Variants in SPMIP2 observed in about 807,000 individuals in gnomAD.
SPMIP2 encodes the protein sperm microtubule inner protein 2, also known as protein SPMIP2.
chr4:158,986,759 A>G, the SPMIP2 span, among the ~76,000 whole-genome samples: 2 of 152,178 alleles, frequency 1.3e-5, no homozygotes. Flanking sequence ...AGCAATGGCA[A>G]CAGAAGCCAA....
chr4:159,014,333 G>A, the SPMIP2 span, among the ~76,000 whole-genome samples: 1 of 136,426 alleles, frequency 7.3e-6, no homozygotes, highest in Non-Finnish European at 1.7e-5. Flanking sequence ...GGCGCCTATA[G>A]TCTCAGCTAC....
chr4:158,999,224 T>A, the SPMIP2 span, among the ~76,000 whole-genome samples: 2 of 151,550 alleles, frequency 1.3e-5, no homozygotes, highest in Non-Finnish European at 2.9e-5. Context: ...TTAATAGTAG[T>A]TTTGCTTCAA....
the SPMIP2 span, among the ~76,000 whole-genome samples, chr4:159,008,718 T>C: frequency 6.6e-6 from 1 of 152,246 alleles, no homozygotes. Flanking sequence ...TTAATACACA[T>C]TTATAAAGTG....
the SPMIP2 span, among the ~76,000 whole-genome samples, chr4:159,011,609 C>A: frequency 2.6e-5 from 4 of 151,868 alleles, no homozygotes; most frequent in East Asian, 7.7e-4. Flanking sequence ...AAAATACATG[C>A]CGGGCATGGT....
chr4:159,014,291 A>G, the SPMIP2 span, among the ~76,000 whole-genome samples: 1 of 151,994 alleles, frequency 6.6e-6, no homozygotes, highest in Non-Finnish European at 1.5e-5. Flanking sequence ...CGTCTCTACT[A>G]AAAATACAAA....
chr4:158,911,634 A>C, the SPMIP2 span, among the ~76,000 whole-genome samples: 1 of 152,182 alleles, frequency 6.6e-6, no homozygotes. Context: ...CTTGCTACTC[A>C]AGGTCCTCAG....
At chr4:158,963,538 C>A in the SPMIP2 span, among the ~76,000 whole-genome samples, 1 of 152,202 alleles carries the variant, frequency 6.6e-6, no homozygotes, top group Non-Finnish European at 1.5e-5. Flanking sequence ...TCATCTGCCT[C>A]AGCCTCCCAA....
the SPMIP2 span, among the ~76,000 whole-genome samples, chr4:158,980,395 A>G: frequency 6.6e-6 from 1 of 152,204 alleles, no homozygotes; most frequent in African/African-American, 2.4e-5. Flanking sequence ...CCTGACCCCC[A>G]TGTCTCCTGA....
chr4:159,041,609 C>T, the SPMIP2 span, among the ~76,000 whole-genome samples: 1 of 152,142 alleles, frequency 6.6e-6, no homozygotes, highest in Non-Finnish European at 1.5e-5. Flanking sequence ...ATTCTCAGTT[C>T]GGAATGTTTT....
the SPMIP2 span, among the ~76,000 whole-genome samples, chr4:159,004,827 C>T: frequency 6.6e-6 from 1 of 152,002 alleles, no homozygotes; most frequent in Non-Finnish European, 1.5e-5. Context: ...AGTTATATGA[C>T]CTGGTATTAA....
the SPMIP2 span, among the ~76,000 whole-genome samples, chr4:159,050,976 G>A: frequency 6.6e-6 from 1 of 151,686 alleles, no homozygotes; most frequent in Non-Finnish European, 1.5e-5. Context: ...ACATGGTGGC[G>A]GGTGCCTGTA....
the SPMIP2 span, chr4:158,906,574 CTTAAT>C: frequency 3.9e-5 from 6 of 152,218 alleles, no homozygotes; most frequent in African/African-American, 9.6e-5. Flanking sequence ...TTAATTTGCT[CTTAAT>C]TTAATGTTCC....
chr4:158,925,486 A>G, the SPMIP2 span, among the ~76,000 whole-genome samples: 1 of 152,154 alleles, frequency 6.6e-6, no homozygotes, highest in Non-Finnish European at 1.5e-5. Context: ...GACCAGTTTC[A>G]TGGAAGACAA....
the SPMIP2 span, among the ~76,000 whole-genome samples, chr4:159,016,323 A>T: frequency 6.6e-6 from 1 of 152,208 alleles, no homozygotes; most frequent in Non-Finnish European, 1.5e-5. Flanking sequence ...TTCTCCTGAC[A>T]ATAGATGAAG....
the SPMIP2 span, among the ~76,000 whole-genome samples, chr4:159,006,816 G>A: frequency 6.6e-6 from 1 of 152,138 alleles, no homozygotes; most frequent in African/African-American, 2.4e-5. Context: ...CAACCTCAGG[G>A]AAGCATAGAA....
the SPMIP2 span, among the ~76,000 whole-genome samples, chr4:158,958,864 G>A: frequency 6.6e-6 from 1 of 152,198 alleles, no homozygotes; most frequent in Admixed American, 6.5e-5. Context: ...TTATAGATGA[G>A]TCCAGGAGGT....
At chr4:158,991,067 C>T in the SPMIP2 span, among the ~76,000 whole-genome samples, 1 of 152,122 alleles carries the variant, frequency 6.6e-6, no homozygotes, top group Non-Finnish European at 1.5e-5. Flanking sequence ...CACATGCCAC[C>T]AAGCTCTGCT....
the SPMIP2 span, among the ~76,000 whole-genome samples, chr4:158,972,723 G>T: frequency 6.6e-6 from 1 of 152,276 alleles, no homozygotes; most frequent in Non-Finnish European, 1.5e-5. Flanking sequence ...ATTATGGGAT[G>T]CCCAGCACAG....
At chr4:159,018,462 T>A in the SPMIP2 span, among the ~76,000 whole-genome samples, 1 of 152,204 alleles carries the variant, frequency 6.6e-6, no homozygotes, top group Non-Finnish European at 1.5e-5. Context: ...TAAGGCACTA[T>A]GTTGTTTTCT....
Sources: gnomAD v4.1 joint callset for allele counts (sites outside exome capture counted in the v4.1 genomes callset) on GRCh38, gnomAD v4.1.1 for gene constraint, MANE v1.5 for transcripts, NCBI Gene and HGNC (gene_info 2026-07-23, HGNC 2026-07-21) for gene names.